Variants in PSD4 observed in about 807,000 individuals in gnomAD.
PSD4 encodes PH and SEC7 domain-containing protein 4.
PSD4 carries 59 observed loss-of-function variants against 112.5 expected under a neutral mutation model. The observed-to-expected ratio is 0.52, with a 90% CI of 0.43 to 0.65. The LOEUF (loss-of-function observed/expected upper bound fraction) is 0.65. Ranked by LOEUF, PSD4 falls within the 30% of genes least tolerant of loss-of-function variation. The probability of loss-of-function intolerance (pLI) is 0.00; values close to 1 mark genes in which losing one functional copy is unlikely to be tolerated. For missense variants in PSD4, 1,267 were observed against 1,352.6 expected, an observed-to-expected ratio of 0.94 and a Z score of 0.99; for synonymous variants, 533 against 540.0, an observed-to-expected ratio of 0.99 and a Z score of 0.18.
chr2:113,198,704 T>C (rs1340310729), intron 14 of PSD4, 36 bp from the exon 15 acceptor site: 42 of 1,508,488 alleles, frequency 2.8e-5, no homozygotes, highest in Non-Finnish European at 3.4e-5. Context: ...GGACGGACTC[T>C]GTGTCCCCGG....
rs1275598573 is a variant in PSD4 at position 113,193,843 on chromosome 2, T to A, written c.2092-16T>A. 6.2e-7 allele frequency: 1 copy of A among 1,613,136 alleles called. No individual in the cohort carries two copies. The highest frequency in any genetic ancestry group is 2.2e-5 in the East Asian group (1 of 44,872). The stretch of plus-strand genomic sequence containing the variant: ...GGGGTGTGTGCTCGAGTCATCCCAC[T>A]TCTCCGTGGCTACAGAACATTGGGA... On this transcript the variant is annotated splice_polypyrimidine_tract_variant and intron_variant, in intron 9 of 16. Coordinates refer to ENST00000245796, the MANE Select transcript of PSD4 (RefSeq NM_012455.3).
In PSD4 at chr2:113,203,947, G is replaced by A. The variant is rs1043037979; in HGVS notation, c.*2532G>A. 2.0e-5 allele frequency: 3 copies of A among 152,204 alleles called. No homozygotes were observed. The highest frequency in any genetic ancestry group is 4.4e-5 in the Non-Finnish European group (3 of 68,050). The allele number at this position is 152,204 out of a possible 1,614,324, so 9.4% of individuals were successfully genotyped here. ...ACTTTGATGCTCCTTTGCTCATGTAGAACCGGCACCTCTCTTTCACCTGAG... is the reference window on the plus strand; with the variant it reads ...ACTTTGATGCTCCTTTGCTCATGTAAAACCGGCACCTCTCTTTCACCTGAG... On this transcript the variant is annotated 3_prime_UTR_variant, in exon 17 of 17. Coordinates refer to ENST00000245796, the MANE Select transcript of PSD4 (RefSeq NM_012455.3).
intron 1 of PSD4, among the ~76,000 whole-genome samples, chr2:113,181,241 A>C (rs1439976354): frequency 6.6e-6 from 1 of 151,896 alleles, no homozygotes; most frequent in Non-Finnish European, 1.5e-5. Flanking sequence ...AAAAAAAAAA[A>C]AAGACAGCTG....
In PSD4 at chr2:113,209,061, G is replaced by C. The variant is rs116319549; in HGVS notation, c.*7646G>C. The C allele has an allele frequency of 3.3e-5, 5 of 152,188 alleles. No homozygotes were observed. Among genetic ancestry groups the C allele is most frequent in the African/African-American group, 1.2e-4 (5 of 41,442 alleles). The allele number at this position is 152,188 out of a possible 1,614,324, so 9.4% of individuals were successfully genotyped here. A position where few individuals can be genotyped will look rare whatever the true frequency, so the allele number is the denominator to read the frequency against. On this transcript the variant is annotated 3_prime_UTR_variant, in exon 17 of 17. Transcript: ENST00000245796. ...CACGCTAGTCTCTTTCATCTGGGCC[G>C]AGGTGGGTAATTTTCCTTAGAGTCA...
chr2:113,193,221 C>T (rs780173140), intron 7 of PSD4, 37 bp from the exon 8 acceptor site: 4 of 1,589,526 alleles, frequency 2.5e-6, no homozygotes, highest in Non-Finnish European at 3.4e-6. Context: ...GCCCTAAGCT[C>T]CCGGGCTCTC....
chr2:113,189,202 T>C (rs200780840), intron 5 of PSD4, among the ~76,000 whole-genome samples: 1 of 152,108 alleles, frequency 6.6e-6, no homozygotes, highest in Non-Finnish European at 1.5e-5. Flanking sequence ...GAATAATAGT[T>C]TCCAATCTCA....
intron 5 of PSD4, 114 bp from the exon 6 acceptor site, chr2:113,192,266 G>A (rs1688462639): frequency 5.0e-6 from 5 of 1,001,468 alleles, no homozygotes; most frequent in South Asian, 1.4e-5. Context: ...CTGAGTAAGG[G>A]CCTGGGTCCA....
chr2:113,178,013 T>C (rs1031651539), intron 1 of PSD4, among the ~76,000 whole-genome samples: 9 of 151,986 alleles, frequency 5.9e-5, no homozygotes, highest in African/African-American at 2.2e-4. Flanking sequence ...AGGTCAGGAG[T>C]TTGAGACCAG....
Position 113,205,175 on chromosome 2 carries a change from TCA to T in PSD4, c.*3761_*3762del, listed in dbSNP as rs1374182603. The T allele has an allele frequency of 2.0e-5, 3 of 151,794 alleles. No homozygotes were observed. The East Asian group carries it at 5.9e-4, about 30-fold the overall frequency. The allele number at this position is 151,794 out of a possible 1,614,324, so 9.4% of individuals were successfully genotyped here. A position where few individuals can be genotyped will look rare whatever the true frequency, so the allele number is the denominator to read the frequency against. On this transcript the variant is annotated 3_prime_UTR_variant, in exon 17 of 17. Coordinates refer to ENST00000245796, the MANE Select transcript of PSD4 (RefSeq NM_012455.3). Reference sequence around the variant, plus strand: ...TAGAGACAGGGTTTCACCATGTTGGTCAGGCTGGTCTCAAACTCCTGACCTCA... The same window carrying T: ...TAGAGACAGGGTTTCACCATGTTGGTGGCTGGTCTCAAACTCCTGACCTCA...
chr2:113,181,188 G>A (rs570474411), intron 1 of PSD4, among the ~76,000 whole-genome samples: 16 of 148,910 alleles, frequency 1.1e-4, no homozygotes, highest in African/African-American at 3.2e-4. Context: ...AGACTGTGCC[G>A]CTACACTCCA....
At chr2:113,188,166 A>G (rs553518893) in intron 5 of PSD4, among the ~76,000 whole-genome samples, 1 of 152,362 alleles carries the variant, frequency 6.6e-6, no homozygotes, top group East Asian at 1.9e-4. Flanking sequence ...TGTTGTTACT[A>G]AAATAATACT....
Position 113,197,385 on chromosome 2 carries a change from ATGTT to A in PSD4, c.2387-173_2387-170del. On this transcript the variant is annotated intron_variant, in intron 12 of 16. Transcript: ENST00000245796. ...TTGCCTGTGTGTGGAGAGACTCTATATGTTTGTTTACGATTGTATGTGTTTTCTT... is the reference window on the plus strand; with the variant it reads ...TTGCCTGTGTGTGGAGAGACTCTATATGTTTACGATTGTATGTGTTTTCTT... 5.8e-6 allele frequency: 4 copies of A among 689,660 alleles called. No individual in the cohort carries two copies. In the South Asian group the frequency reaches 6.7e-5, roughly 12 times the overall value. The allele number at this position is 689,660 out of a possible 1,614,324, so 42.7% of individuals were successfully genotyped here. A position where few individuals can be genotyped will look rare whatever the true frequency, so the allele number is the denominator to read the frequency against.
At chr2:113,198,983 G>A (rs1688695702) in intron 15 of PSD4, 99 bp downstream of exon 15, 12 of 1,526,408 alleles carry the variant, frequency 7.9e-6, no homozygotes, top group Non-Finnish European at 1.1e-5. Flanking sequence ...CTGCGCACTT[G>A]GCCTGGGAAC....
At chr2:113,194,140 C>A (rs549568304) in intron 10 of PSD4, among the ~76,000 whole-genome samples, 192 bp downstream of exon 10, 1 of 152,326 alleles carries the variant, frequency 6.6e-6, no homozygotes, top group East Asian at 1.9e-4. Flanking sequence ...AATTTGTTAT[C>A]CATGCAAATC....
At position 113,185,893 on chromosome 2, in the gene PSD4, A is replaced by G. The variant is rs2241976; in HGVS notation, c.1266A>G (p.Gly422=). 0.45 allele frequency: 729,518 copies of G among 1,609,746 alleles called. 170,261 individuals are homozygous for G. Among genetic ancestry groups the G allele is most frequent in the African/African-American group, 0.7 (52,527 of 74,922 alleles). ...NSQDRDEREG[G]HPQESLPCTL... ...CTTCCTCAGATGAGAGGGAGGGTGG[A>G]CACCCCCAGGAATCTCTTCCCTGCA... The change falls in exon 5 of 17, where the codon GGA becomes GGG. Residue 422 remains glycine, a synonymous_variant. Transcript: ENST00000245796.
intron 1 of PSD4, among the ~76,000 whole-genome samples, chr2:113,179,142 T>A (rs1474463219): frequency 6.6e-6 from 1 of 152,178 alleles, no homozygotes; most frequent in East Asian, 1.9e-4. Context: ...GGGAGGGAGA[T>A]TTGGGGTCCA....
intron 2 of PSD4, 98 bp downstream of exon 2, chr2:113,183,610 G>A (rs148478617): frequency 1.3e-5 from 15 of 1,188,724 alleles, no homozygotes; most frequent in Admixed American, 6.1e-5. Context: ...CTTTTCTGAC[G>A]CTAAGAGCTT....
At chr2:113,184,108 TAGGGAGCACAGTTTTCCC>T (rs1276906803) in intron 2 of PSD4, among the ~76,000 whole-genome samples, 1 of 152,158 alleles carries the variant, frequency 6.6e-6, no homozygotes, top group African/African-American at 2.4e-5. Context: ...TGTGAGACAA[TAGGGAGCACAGTTTTCCC>T]AGGGAGGCCT....
At chr2:113,196,337 G>A in intron 12 of PSD4, 30 bp downstream of exon 12, 1 of 1,599,310 alleles carries the variant, frequency 6.3e-7, no homozygotes, top group Non-Finnish European at 8.5e-7. Context: ...AAACAGGGTG[G>A]CGTGCTGGGA....
Sources: gnomAD v4.1 joint callset for allele counts (sites outside exome capture counted in the v4.1 genomes callset) on GRCh38, gnomAD v4.1.1 for gene constraint, MANE v1.5 for transcripts, NCBI Gene and HGNC (gene_info 2026-07-23, HGNC 2026-07-21) for gene names.